Variants in HMCN1 observed in about 807,000 individuals in gnomAD.
HMCN1 encodes hemicentin 1, also known as hemicentin-1.
Under a neutral mutation model 625.9 loss-of-function variants are expected in HMCN1, and 321 were observed. The observed-to-expected ratio is 0.51, with a 90% CI of 0.47 to 0.56. The LOEUF is 0.56. Ranked by LOEUF, HMCN1 falls within the 20% of genes least tolerant of loss-of-function variation. The pLI, the probability that HMCN1 is intolerant of heterozygous loss-of-function variation, is 0.00. For missense variants in HMCN1, 6,588 were observed against 6,887.3 expected (o/e 0.96, Z 1.54); for synonymous variants, 2,425 against 2,417.6 (o/e 1.00, Z -0.09).
chr1:186,111,332 T>C (rs1660876087), intron 71 of HMCN1, among the ~76,000 whole-genome samples: 1 of 152,018 alleles, frequency 6.6e-6, no homozygotes, highest in Non-Finnish European at 1.5e-5. Context: ...AAAGTACTGA[T>C]ATTCATGGAA....
At chr1:185,952,172 C>G (rs933130074) in intron 11 of HMCN1, among the ~76,000 whole-genome samples, 7 of 151,802 alleles carry the variant, frequency 4.6e-5, no homozygotes, top group Non-Finnish European at 7.4e-5. Context: ...TTAACCTTGA[C>G]TATGCCTTTA....
rs1222445675 is a variant in HMCN1 at position 186,176,185 on chromosome 1, T to G, written c.15943+1543T>G. Among the ~76,000 whole-genome samples the G allele has an allele frequency of 6.6e-5, 10 of 152,322 alleles. No homozygotes were observed. The South Asian group carries it at 1.2e-3, about 19-fold the overall frequency. ...TTAAAATTTTATGTGTTTGGTGAGT[T>G]TATATCTTAGTAAGAACTGATTCTA... is the stretch of plus-strand genomic sequence containing the variant. On this transcript the variant is annotated intron_variant, in intron 103 of 106. Coordinates refer to ENST00000271588, the MANE Select transcript of HMCN1 (RefSeq NM_031935.3).
intron 16 of HMCN1, among the ~76,000 whole-genome samples, chr1:185,980,614 A>G (rs1651554475): frequency 6.6e-6 from 1 of 151,320 alleles, no homozygotes; most frequent in Non-Finnish European, 1.5e-5. Flanking sequence ...GAGCACCACC[A>G]TTGATGGTGC....
At chr1:186,156,973 G>A (rs78834440) in intron 97 of HMCN1, among the ~76,000 whole-genome samples, 3 of 152,140 alleles carry the variant, frequency 2.0e-5, no homozygotes, top group Non-Finnish European at 2.9e-5. Flanking sequence ...TTGCACACCC[G>A]TGGGTGATTA....
chr1:185,831,639 A>G (rs998709832), intron 1 of HMCN1, among the ~76,000 whole-genome samples: 13 of 152,188 alleles, frequency 8.5e-5, no homozygotes, highest in African/African-American at 2.9e-4. Flanking sequence ...TAGAAACAGT[A>G]AAAAATTCAG....
Position 186,145,807 on chromosome 1 carries a change from G to A in HMCN1, c.14492G>A (p.Gly4831Glu), listed in dbSNP as rs145611990. The change falls in exon 93 of 107, where the codon GGA becomes GAA. Residue 4831 changes from glycine (G) to glutamate (E), a missense_variant. By Grantham distance (98) the Gly-to-Glu change is moderately conservative. Coordinates refer to ENST00000271588, the MANE Select transcript of HMCN1 (RefSeq NM_031935.3). Reference sequence around the variant, plus strand: ...TGGAGCCAGTGCTCTGCCTCCTGTGGAGGAGGTGAAAAGACTCGGAAGCGG... The same window carrying A: ...TGGAGCCAGTGCTCTGCCTCCTGTGAAGGAGGTGAAAAGACTCGGAAGCGG... ...HSWSQCSASC[G>E]GGEKTRKRLC... The A allele has an allele frequency of 6.2e-7, 1 of 1,613,978 alleles. No homozygotes were observed. The highest frequency in any genetic ancestry group is 8.5e-7 in the Non-Finnish European group (1 of 1,180,002).
intron 10 of HMCN1, among the ~76,000 whole-genome samples, chr1:185,931,897 T>C (rs1178115115): frequency 6.6e-6 from 1 of 152,238 alleles, no homozygotes; most frequent in African/African-American, 2.4e-5. Flanking sequence ...TTTCACTAAA[T>C]TGGCTTATCT....
In HMCN1 at chr1:186,095,422, C is replaced by A. The variant is rs139629275; in HGVS notation, c.10474C>A (p.Gln3492Lys). The A allele has an allele frequency of 6.8e-4, 1,102 of 1,613,700 alleles. 9 individuals are homozygous for A. In the African/African-American group the frequency reaches 0.013, roughly 19 times the overall value. ...AGTCAGCACCCATGGAATGGTCCTG[C>A]AGCTCCTCAAAGCAGAGACTGAAGA... ...LTVSTHGMVL[Q>K]LLKAETEDSG... The change falls in exon 68 of 107, where the codon CAG becomes AAG. Residue 3492 changes from glutamine to lysine, a missense_variant. Around this residue, in one of 3 missense-constraint regions of HMCN1, gnomAD observed 4,628 missense variants for 4,853.1 expected, o/e 0.95. Transcript: ENST00000271588.
chr1:185,815,332 A>G (rs535052580), intron 1 of HMCN1, among the ~76,000 whole-genome samples: 1 of 150,254 alleles, frequency 6.7e-6, no homozygotes, highest in East Asian at 1.9e-4. Context: ...TTTTTTATAT[A>G]AAAAGTTCTA....
intron 81 of HMCN1, among the ~76,000 whole-genome samples, chr1:186,124,699 T>G (rs919684220): frequency 6.6e-6 from 1 of 152,064 alleles, no homozygotes; most frequent in Non-Finnish European, 1.5e-5. Context: ...TAACTGAAAG[T>G]AGCTAATTAA....
intron 37 of HMCN1, 106 bp downstream of exon 37, chr1:186,038,141 AG>A: frequency 1.3e-6 from 1 of 749,818 alleles, no homozygotes; most frequent in Non-Finnish European, 2.4e-6. Flanking sequence ...AACAGGTTAT[AG>A]AATACATTTC....
chr1:185,740,336 C>T (rs1653898379), intron 1 of HMCN1, among the ~76,000 whole-genome samples: 1 of 152,106 alleles, frequency 6.6e-6, no homozygotes, highest in Non-Finnish European at 1.5e-5. Flanking sequence ...GTATATCTTG[C>T]ATGAAGTTGG....
chr1:185,930,907 TACACACACACAC>T (rs3030426), intron 10 of HMCN1, among the ~76,000 whole-genome samples: 176 of 139,026 alleles, frequency 1.3e-3, no homozygotes, highest in Non-Finnish European at 2.0e-3. Context: ...TTTCACCCAA[TACACACACACAC>T]ACACACACAC....
In HMCN1 at chr1:186,178,588, T is replaced by C; in HGVS notation, c.16116T>C (p.Leu5372=). ...GCACTCAATACAGTAGCTATAACCT[T>C]GCACGGTTCTCCCCTGTGAGAAACA... ...NYGTQYSSYN[L]ARFSPVRNNY... Residue 5372 remains leucine, a synonymous_variant, in exon 104 of 107, where the codon CTT becomes CTC. Transcript: ENST00000271588. The C allele has an allele frequency of 1.2e-6, 2 of 1,614,138 alleles. No homozygotes were observed. The highest frequency in any genetic ancestry group is 1.7e-6 in the Non-Finnish European group (2 of 1,180,008).
rs141246497 is a variant in HMCN1 at position 185,932,555 on chromosome 1, G to A, written c.1553-994G>A. Reference sequence around the variant, plus strand: ...CAGGAGATCATTTTAAAGCATTTGAGCAGAGAGAGCTTTGGAGAGAGAATT... The same window carrying A: ...CAGGAGATCATTTTAAAGCATTTGAACAGAGAGAGCTTTGGAGAGAGAATT... On this transcript the variant is annotated intron_variant, in intron 10 of 106. Coordinates refer to ENST00000271588, the MANE Select transcript of HMCN1 (RefSeq NM_031935.3). 2.4e-3 allele frequency among the ~76,000 whole-genome samples: 368 copies of A among 152,248 alleles called. 1 individual carries two copies. The highest frequency in any genetic ancestry group is 4.0e-3 in the Admixed American group (61 of 15,286).
At chr1:186,132,656 T>TC (rs1662005012) in intron 86 of HMCN1, among the ~76,000 whole-genome samples, 1 of 151,646 alleles carries the variant, frequency 6.6e-6, no homozygotes, top group African/African-American at 2.4e-5. Context: ...AGAGCTTTTT[T>TC]TTTTATTATA....
intron 1 of HMCN1, among the ~76,000 whole-genome samples, chr1:185,845,244 G>A (rs1262885077): frequency 6.6e-6 from 1 of 151,828 alleles, no homozygotes; most frequent in Admixed American, 6.6e-5. Context: ...TTTTGAGATG[G>A]AGTCTCGCTG....
rs868294166 is a variant in HMCN1 at position 186,045,222 on chromosome 1, G to A, written c.6305-466G>A. Among the ~76,000 whole-genome samples the A allele has an allele frequency of 6.6e-5, 10 of 152,288 alleles. No homozygotes were observed. The East Asian group carries it at 1.2e-3, about 18-fold the overall frequency. ...ACCAATTTTATGTTTTGCACGCTGC[G>A]AGATGGGACTGGATGAGCTCTATGA... On this transcript the variant is annotated intron_variant, in intron 40 of 106. Coordinates refer to ENST00000271588, the MANE Select transcript of HMCN1 (RefSeq NM_031935.3).
At chr1:186,145,262 G>A in intron 91 of HMCN1, 141 bp from the exon 92 acceptor site, 2 of 727,604 alleles carry the variant, frequency 2.7e-6, no homozygotes, top group Non-Finnish European at 4.4e-6. Context: ...TCCTTTGGAA[G>A]TTGCCTATTT....
Sources: gnomAD v4.1 joint callset for allele counts (sites outside exome capture counted in the v4.1 genomes callset) on GRCh38, gnomAD v4.1.1 for gene constraint, gnomAD v4.1.1 regional missense constraint, MANE v1.5 for transcripts, NCBI Gene and HGNC (gene_info 2026-07-23, HGNC 2026-07-21) for gene names.